KCNC1: variants seen among roughly 807,000 people sequenced by gnomAD.
The protein encoded by KCNC1 is potassium voltage-gated channel subfamily C member 1.
Under a neutral mutation model 43.4 loss-of-function variants are expected in KCNC1, and 8 were observed. The ratio of observed to expected loss-of-function variants is 0.18; its 90% CI spans 0.11 to 0.33. KCNC1 has a LOEUF of 0.33. Ranked by LOEUF, KCNC1 falls within the 10% of genes least tolerant of loss-of-function variation. The probability of loss-of-function intolerance (pLI) is 1.00; values close to 1 mark genes in which losing one functional copy is unlikely to be tolerated. For missense variants in KCNC1, 420 were observed against 836.0 expected, an observed-to-expected ratio of 0.50 and a Z score of 6.14; for synonymous variants, 361 against 360.5, an observed-to-expected ratio of 1.00 and a Z score of -0.01.
intron 1 of KCNC1, among the ~76,000 whole-genome samples, chr11:17,750,570 T>C (rs1565156925): frequency 6.6e-6 from 1 of 152,180 alleles, no homozygotes; most frequent in East Asian, 1.9e-4. Flanking sequence ...TTACTGACAC[T>C]TTCCATGTCC....
intron 1 of KCNC1, among the ~76,000 whole-genome samples, chr11:17,760,493 G>A (rs565054598): frequency 1.3e-5 from 2 of 152,282 alleles, no homozygotes; most frequent in Admixed American, 6.5e-5. Flanking sequence ...GAGCAGGTGC[G>A]ATATGGGCTC....
At chr11:17,775,754 G>A (rs559758472) in intron 2 of KCNC1, 228 of 985,956 alleles carry the variant, frequency 2.3e-4, no homozygotes, top group African/African-American at 2.2e-3. Context: ...CCACGTCAGT[G>A]AGCAGTGGGT....
In KCNC1 at chr11:17,771,366, G is replaced by A. The variant is rs1324614370; in HGVS notation, c.571-299G>A. ...AGTTCAATGTGGGTATGTGGCTGAT[G>A]TCTTTCTTTTCAGGGACCCAGGCTC... is the stretch of plus-strand genomic sequence containing the variant. On this transcript the variant is annotated intron_variant, in intron 1 of 3. Transcript: ENST00000265969. This position sits in a 1 kb window ranked among gnomAD's most constrained non-coding sequence, Gnocchi z 4.7. Among the ~76,000 whole-genome samples, 1 of 152,234 alleles carries A rather than the reference G, an allele frequency of 6.6e-6. No homozygotes were observed. Among genetic ancestry groups the A allele is most frequent in the Non-Finnish European group, 1.5e-5 (1 of 68,044 alleles).
chr11:17,750,547 G>C (rs553376689), intron 1 of KCNC1, among the ~76,000 whole-genome samples: 1 of 152,266 alleles, frequency 6.6e-6, no homozygotes, highest in African/African-American at 2.4e-5. Context: ...GAATCACAGT[G>C]GTTTGTGCTG....
In KCNC1 at chr11:17,742,314, G is replaced by A. The variant is rs951065615; in HGVS notation, c.570+5742G>A. On this transcript the variant is annotated intron_variant, in intron 1 of 3. Coordinates refer to ENST00000265969, the MANE Select transcript of KCNC1 (RefSeq NM_001112741.2). The surrounding 1 kb of genome is among the most constrained non-coding windows in gnomAD (Gnocchi z 4.2). Reference sequence around the variant, plus strand: ...GCTGAAGTCTATCAAGGAGGGAGGTGGTGGTTGTCTCAGAGGTGGGGGAGG... The same window carrying A: ...GCTGAAGTCTATCAAGGAGGGAGGTAGTGGTTGTCTCAGAGGTGGGGGAGG... Among the ~76,000 whole-genome samples the A allele has an allele frequency of 6.6e-6, 1 of 152,130 alleles. No homozygotes were observed. The highest frequency in any genetic ancestry group is 1.5e-5 in the Non-Finnish European group (1 of 68,012).
intron 1 of KCNC1, among the ~76,000 whole-genome samples, chr11:17,740,943 CTT>C (rs770294108): frequency 9.9e-5 from 15 of 152,274 alleles, no homozygotes; most frequent in Non-Finnish European, 1.9e-4. Flanking sequence ...ACACAGGGCT[CTT>C]GGAGTCGTGG....
Position 17,739,677 on chromosome 11 carries a change from G to A in KCNC1, c.570+3105G>A, listed in dbSNP as rs1217534910. Among the ~76,000 whole-genome samples, 2 of 84,666 alleles carry A rather than the reference G, an allele frequency of 2.4e-5. No homozygotes were observed. Among genetic ancestry groups the A allele is most frequent in the African/African-American group, 2.0e-4 (2 of 9,792 alleles). 55.5% of individuals were successfully genotyped at this position (84,666 alleles called of 152,430 possible). ...ATGTGGAGCTCATGTGTGAGTCTGT[G>A]TGTGTGTGTGTGTGTGTGTGTGTGT... is the stretch of plus-strand genomic sequence containing the variant. On this transcript the variant is annotated intron_variant, in intron 1 of 3. Coordinates refer to ENST00000265969, the MANE Select transcript of KCNC1 (RefSeq NM_001112741.2). The surrounding 1 kb of genome is among the most constrained non-coding windows in gnomAD (Gnocchi z 4.2).
At position 17,773,939 on chromosome 11, in the gene KCNC1, C is replaced by G; in HGVS notation, c.1504+1341C>G. On this transcript the variant is annotated intron_variant, in intron 2 of 3. Transcript: ENST00000265969. This position sits in a 1 kb window ranked among gnomAD's most constrained non-coding sequence, Gnocchi z 4.1. ...AGCTCAGCCCCAGGTGGGGAAGTTTCCCCCTGGTTTGGGTGGCCTCCCCCA... is the reference window on the plus strand; with the variant it reads ...AGCTCAGCCCCAGGTGGGGAAGTTTGCCCCTGGTTTGGGTGGCCTCCCCCA... 1.0e-6 allele frequency: 1 copy of G among 985,442 alleles called. No homozygotes were observed. Among genetic ancestry groups the G allele is most frequent in the Non-Finnish European group, 1.2e-6 (1 of 829,960 alleles). The allele number at this position is 985,442 out of a possible 1,614,324, so 61.0% of individuals were successfully genotyped here.
intron 1 of KCNC1, among the ~76,000 whole-genome samples, chr11:17,743,253 CTCAG>C (rs1848861887): frequency 6.6e-6 from 1 of 152,180 alleles, no homozygotes; most frequent in African/African-American, 2.4e-5. Context: ...GCAGTCAGAC[CTCAG>C]TCTGTCTGAC....
In KCNC1 at chr11:17,773,329, TTGTC is replaced by T; in HGVS notation, c.1504+735_1504+738del. ...TGTTGAAGTGACTCTAGCTTTCACGTTGTCTGTTTGGGTTGATGGTCGAGTGGGA... is the reference window on the plus strand; with the variant it reads ...TGTTGAAGTGACTCTAGCTTTCACGTTGTTTGGGTTGATGGTCGAGTGGGA... On this transcript the variant is annotated intron_variant, in intron 2 of 3. Transcript: ENST00000265969. The surrounding 1 kb of genome is among the most constrained non-coding windows in gnomAD (Gnocchi z 4.1). 1.0e-6 allele frequency: 1 copy of T among 985,414 alleles called. No individual in the cohort carries two copies. The highest frequency in any genetic ancestry group is 1.2e-6 in the Non-Finnish European group (1 of 829,954). 61.0% of individuals were successfully genotyped at this position (985,414 alleles called of 1,614,324 possible).
At chr11:17,756,965 T>TGGG (rs1849029625) in intron 1 of KCNC1, among the ~76,000 whole-genome samples, 3 of 152,204 alleles carry the variant, frequency 2.0e-5, no homozygotes, top group Admixed American at 2.0e-4. Flanking sequence ...TTTCCAGCTA[T>TGGG]GTGGGGGATT....
In KCNC1 at chr11:17,781,408, A is replaced by T; in HGVS notation, c.1694-262A>T. 1 of 444,236 alleles carries T rather than the reference A, an allele frequency of 2.3e-6. No individual in the cohort carries two copies. Among genetic ancestry groups the T allele is most frequent in the Non-Finnish European group, 4.0e-6 (1 of 251,758 alleles). 27.5% of individuals were successfully genotyped at this position (444,236 alleles called of 1,614,324 possible). Reference sequence around the variant, plus strand: ...CCGAGGACTTGTTTTTCTCAGGCTAATTCTGAGCCAGAAGGCATGCAGGTG... The same window carrying T: ...CCGAGGACTTGTTTTTCTCAGGCTATTTCTGAGCCAGAAGGCATGCAGGTG... On this transcript the variant is annotated intron_variant, in intron 3 of 3. Coordinates refer to ENST00000265969, the MANE Select transcript of KCNC1 (RefSeq NM_001112741.2). The surrounding 1 kb of genome is among the most constrained non-coding windows in gnomAD (Gnocchi z 5.1).
intron 2 of KCNC1, chr11:17,775,606 G>A (rs986767162): frequency 1.0e-5 from 10 of 985,460 alleles, no homozygotes; most frequent in African/African-American, 3.5e-5. Context: ...ATCTGCAGTC[G>A]GATGCCCAGA....
intron 1 of KCNC1, among the ~76,000 whole-genome samples, chr11:17,738,140 GCTAGAGGCCAAGAAAGA>G: frequency 6.6e-6 from 1 of 152,288 alleles, no homozygotes; most frequent in Middle Eastern, 3.4e-3. Context: ...CACCCAGGGA[GCTAGAGGCCAAGAAAGA>G]CTAGAACTCA....
rs1445815607 is a variant in KCNC1, at chr11:17,772,036, C to T, written c.942C>T (p.Arg314=). The stretch of plus-strand genomic sequence containing the variant: ...TGCTGGGCTTCCTGCGCGTCGTCCG[C>T]TTCGTGCGCATCTTGCGCATCTTTA... ...KDVLGFLRVV[R]FVRILRIFKL... The change falls in exon 2 of 4, where the codon CGC becomes CGT. Residue 314 remains arginine (R), a synonymous_variant. Transcript: ENST00000265969. 1.2e-6 allele frequency: 2 copies of T among 1,613,022 alleles called. No individual in the cohort carries two copies. Among genetic ancestry groups the T allele is most frequent in the Non-Finnish European group, 1.7e-6 (2 of 1,179,956 alleles).
Position 17,773,114 on chromosome 11 carries a change from G to T in KCNC1, c.1504+516G>T, listed in dbSNP as rs1849249639. 3.0e-6 allele frequency: 3 copies of T among 991,074 alleles called. No homozygotes were observed. The South Asian group carries it at 1.4e-4, about 46-fold the overall frequency. 61.4% of individuals were successfully genotyped at this position (991,074 alleles called of 1,614,324 possible). The stretch of plus-strand genomic sequence containing the variant: ...GTCCCTTGCAAAGGCAGGTGCAAGG[G>T]TTCTCACCCCCGGCAGAGCCTGTCT... On this transcript the variant is annotated intron_variant, in intron 2 of 3. Coordinates refer to ENST00000265969, the MANE Select transcript of KCNC1 (RefSeq NM_001112741.2). This position sits in a 1 kb window ranked among gnomAD's most constrained non-coding sequence, Gnocchi z 4.1.
Position 17,782,045 on chromosome 11 carries a change from T to A in KCNC1, c.*311T>A. ...CAGCAAACCAAACCCACCAACCCCC[T>A]GCAACTGTATGATTACCCTGAACAA... On this transcript the variant is annotated 3_prime_UTR_variant, in exon 4 of 4. Coordinates refer to ENST00000265969, the MANE Select transcript of KCNC1 (RefSeq NM_001112741.2). 2.9e-6 allele frequency: 1 copy of A among 346,614 alleles called. No homozygotes were observed. Among genetic ancestry groups the A allele is most frequent in the Non-Finnish European group, 5.2e-6 (1 of 192,490 alleles). 21.5% of individuals were successfully genotyped at this position (346,614 alleles called of 1,614,324 possible).
chr11:17,760,077 C>T (rs1849061203), intron 1 of KCNC1, among the ~76,000 whole-genome samples: 3 of 151,928 alleles, frequency 2.0e-5, no homozygotes, highest in African/African-American at 7.3e-5. Flanking sequence ...TGTGGCTTTC[C>T]CAAAAAAATG....
chr11:17,772,683 C>G, intron 2 of KCNC1, 85 bp downstream of exon 2: 1 of 1,549,142 alleles, frequency 6.5e-7, no homozygotes, highest in Non-Finnish European at 8.7e-7. Flanking sequence ...CAGACTGCTT[C>G]CTTAGTTCCG....
Sources: allele counts gnomAD v4.1 joint callset (sites outside exome capture counted in the v4.1 genomes callset), GRCh38; gene constraint gnomAD v4.1.1; non-coding constraint Gnocchi (gnomAD v3.1); transcripts MANE v1.5; gene names NCBI Gene and HGNC (gene_info 2026-07-23, HGNC 2026-07-21).